PPP1R9A: variants seen among roughly 807,000 people sequenced by gnomAD.
PPP1R9A encodes the protein protein phosphatase 1 regulatory subunit 9A, also known as neurabin-1.
Under a neutral mutation model 141.9 loss-of-function variants are expected in PPP1R9A, and 59 were observed. The ratio of observed to expected loss-of-function variants is 0.42; its 90% CI spans 0.34 to 0.52. PPP1R9A has a LOEUF of 0.52. Ranked by LOEUF, PPP1R9A falls within the 20% of genes least tolerant of loss-of-function variation. The pLI is 0.10. For synonymous variants in PPP1R9A, 500 were observed against 569.7 expected, an observed-to-expected ratio of 0.88 and a Z score of 1.74; for missense variants, 1,444 against 1,611.9, an observed-to-expected ratio of 0.90 and a Z score of 1.78.
intron 2 of PPP1R9A, among the ~76,000 whole-genome samples, chr7:94,941,338 T>G (rs1024213050): frequency 6.6e-6 from 1 of 152,152 alleles, no homozygotes; most frequent in African/African-American, 2.4e-5. Flanking sequence ...TAAACCTCAG[T>G]AAGATATGGA....
At chr7:95,047,134 A>G (rs558977554) in intron 2 of PPP1R9A, among the ~76,000 whole-genome samples, 1 of 152,316 alleles carries the variant, frequency 6.6e-6, no homozygotes, top group South Asian at 2.1e-4. Context: ...GATTTGCTTC[A>G]TATTTATCTC....
intron 14 of PPP1R9A, among the ~76,000 whole-genome samples, chr7:95,271,217 A>T (rs1802121771): frequency 1.3e-5 from 2 of 152,204 alleles, no homozygotes; most frequent in African/African-American, 4.8e-5. Context: ...TAGCTTTAGA[A>T]GTTAAACATC....
chr7:95,013,223 G>T (rs1284131344), intron 2 of PPP1R9A, among the ~76,000 whole-genome samples: 2 of 151,928 alleles, frequency 1.3e-5, no homozygotes, highest in Non-Finnish European at 2.9e-5. Context: ...GAAGGATAGG[G>T]GTTTACCGAT....
chr7:94,943,102 C>G (rs533790508), intron 2 of PPP1R9A, among the ~76,000 whole-genome samples: 1 of 152,138 alleles, frequency 6.6e-6, no homozygotes, highest in Admixed American at 6.5e-5. Flanking sequence ...GTTTACTGTT[C>G]TTCATATGTT....
At chr7:95,113,010 C>T (rs1243101860) in intron 3 of PPP1R9A, among the ~76,000 whole-genome samples, 1 of 152,064 alleles carries the variant, frequency 6.6e-6, no homozygotes, top group Non-Finnish European at 1.5e-5. Context: ...ACACTAAAAG[C>T]CCAGACTCAC....
chr7:94,958,349 C>T (rs1458446652), intron 2 of PPP1R9A, among the ~76,000 whole-genome samples: 1 of 151,838 alleles, frequency 6.6e-6, no homozygotes, highest in African/African-American at 2.4e-5. Context: ...GATGTTTCTT[C>T]TTCATTTATT....
intron 2 of PPP1R9A, among the ~76,000 whole-genome samples, chr7:94,933,238 G>A (rs758926737): frequency 1.7e-4 from 26 of 152,098 alleles, no homozygotes; most frequent in Non-Finnish European, 3.2e-4. Context: ...GCAAATTTAC[G>A]AAGAGATTAA....
intron 2 of PPP1R9A, among the ~76,000 whole-genome samples, chr7:94,986,316 A>C (rs1404021092): frequency 6.6e-6 from 1 of 152,190 alleles, no homozygotes; most frequent in Non-Finnish European, 1.5e-5. Flanking sequence ...AAATATTGAC[A>C]TTCAGAAATA....
intron 2 of PPP1R9A, among the ~76,000 whole-genome samples, chr7:94,992,875 T>C (rs1801693347): frequency 6.6e-6 from 1 of 152,142 alleles, no homozygotes; most frequent in Non-Finnish European, 1.5e-5. Flanking sequence ...AATATATTTA[T>C]TCTGAATATT....
chr7:95,244,851 T>A (rs1317749575), intron 8 of PPP1R9A, among the ~76,000 whole-genome samples: 1 of 152,100 alleles, frequency 6.6e-6, no homozygotes, highest in Non-Finnish European at 1.5e-5. Context: ...GCTAAGTGCT[T>A]TATATGGGTT....
At chr7:95,175,435 G>C (rs1483544587) in intron 5 of PPP1R9A, among the ~76,000 whole-genome samples, 1 of 151,910 alleles carries the variant, frequency 6.6e-6, no homozygotes, top group South Asian at 2.1e-4. Flanking sequence ...GACCAGGATG[G>C]TGAGAGGTAT....
chr7:95,101,195 G>A (rs1172575689), intron 2 of PPP1R9A, among the ~76,000 whole-genome samples: 1 of 152,096 alleles, frequency 6.6e-6, no homozygotes, highest in Non-Finnish European at 1.5e-5. Context: ...CTTAAAATGA[G>A]GTGAAACGTT....
chr7:94,931,049 T>G (rs1317624164), intron 2 of PPP1R9A, among the ~76,000 whole-genome samples: 1 of 152,228 alleles, frequency 6.6e-6, no homozygotes, highest in Non-Finnish European at 1.5e-5. Flanking sequence ...TGGAAGTTTT[T>G]CTTTTTTTCC....
Position 95,275,765 on chromosome 7 carries a change from C to A in PPP1R9A, c.3296+1597C>A, listed in dbSNP as rs552265896. Among the ~76,000 whole-genome samples the A allele has an allele frequency of 7.9e-5, 12 of 152,194 alleles. No homozygotes were observed. In the East Asian group the frequency reaches 2.1e-3, roughly 27 times the overall value. On this transcript the variant is annotated intron_variant, in intron 16 of 19. Transcript: ENST00000433360. ...TCTTTTTTCTCTTTTCTGACATATA[C>A]CTTGGTGAGAAATTGTACCTTCTTC... is the stretch of plus-strand genomic sequence containing the variant.
intron 2 of PPP1R9A, among the ~76,000 whole-genome samples, chr7:95,038,594 C>CCATGG (rs1343734893): frequency 6.6e-6 from 1 of 152,046 alleles, no homozygotes; most frequent in East Asian, 1.9e-4. Context: ...TGTGCTGCAG[C>CCATGG]CATGGGAGTA....
chr7:95,155,580 G>C (rs994068643), intron 4 of PPP1R9A: 2 of 152,080 alleles, frequency 1.3e-5, no homozygotes, highest in Admixed American at 6.5e-5. Flanking sequence ...ATCACAGTTT[G>C]GTTGGCTTTA....
intron 3 of PPP1R9A, among the ~76,000 whole-genome samples, chr7:95,117,367 G>A (rs991479879): frequency 6.6e-5 from 10 of 152,128 alleles, no homozygotes; most frequent in Non-Finnish European, 1.0e-4. Context: ...AGATGCTGGA[G>A]AACATCAGTC....
In PPP1R9A at chr7:94,915,835, C is replaced by T. The variant is rs370570576; in HGVS notation, c.1395+4327C>T. Among the ~76,000 whole-genome samples, 13 of 152,270 alleles carry T rather than the reference C, an allele frequency of 8.5e-5. No individual in the cohort carries two copies. In the South Asian group the frequency reaches 1.9e-3, roughly 22 times the overall value. Reference sequence around the variant, plus strand: ...CCTGGGTCGATGATACACACTTGTTCTGTTGAAGAGATGTGACAAATACAC... The same window carrying T: ...CCTGGGTCGATGATACACACTTGTTTTGTTGAAGAGATGTGACAAATACAC... On this transcript the variant is annotated intron_variant, in intron 2 of 19. Coordinates refer to ENST00000433360, the MANE Select transcript of PPP1R9A (RefSeq NM_001166160.2).
chr7:95,281,919 A>G (rs961878852), intron 16 of PPP1R9A, among the ~76,000 whole-genome samples: 2 of 152,198 alleles, frequency 1.3e-5, no homozygotes, highest in African/African-American at 2.4e-5. Context: ...AGAGGAGATA[A>G]TGATCATCCG....
Sources: allele counts gnomAD v4.1 joint callset (sites outside exome capture counted in the v4.1 genomes callset), GRCh38; gene constraint gnomAD v4.1.1; transcripts MANE v1.5; gene names NCBI Gene and HGNC (gene_info 2026-07-23, HGNC 2026-07-21).